SRGAP2C: variants seen among roughly 807,000 people sequenced by gnomAD.
SRGAP2C encodes the protein SLIT-ROBO Rho GTPase-activating protein 2C.
A neutral mutation model predicts 25.1 loss-of-function variants in SRGAP2C; 15 were observed. That is an observed-to-expected ratio of 0.60 (90% CI 0.40 to 0.92). The LOEUF (loss-of-function observed/expected upper bound fraction) is 0.92. Among genes scored for constraint, SRGAP2C ranks in the 40% least tolerant of loss-of-function variants. The pLI is 0.00. For synonymous variants in SRGAP2C, 44 were observed against 96.6 expected (o/e 0.46, Z 3.19); for missense variants, 144 against 264.4 (o/e 0.54, Z 3.16).
At chr1:121,378,478 T>A (rs1659726552) in intron 7 of SRGAP2C, among the ~76,000 whole-genome samples, 1 of 150,814 alleles carries the variant, frequency 6.6e-6, no homozygotes, top group Non-Finnish European at 1.5e-5. Context: ...GGATTATCCT[T>A]TTTTGTGTCT....
rs782453082 is a variant in SRGAP2C, at chr1:121,374,904, A to T, written c.781A>T (p.Asn261Tyr). 1.3e-6 allele frequency: 1 copy of T among 779,108 alleles called. No individual in the cohort carries two copies. The highest frequency in any genetic ancestry group is 1.7e-5 in the African/African-American group (1 of 59,118). 48.3% of individuals were successfully genotyped at this position (779,108 alleles called of 1,614,324 possible). A position where few individuals can be genotyped will look rare whatever the true frequency, so the allele number is the denominator to read the frequency against. Residue 261 changes from asparagine (N) to tyrosine (Y), a missense_variant, in exon 7 of 10, where the codon AAT (asparagine) becomes TAT (tyrosine). Asn to Tyr is a moderately radical substitution (Grantham distance 143). Transcript: ENST00000367123. ...GTACTTGCTGGCTTTGGAGGCAACCAATGCATCTGTCTTCAAGTACTACAT... is the reference window on the plus strand; with the variant it reads ...GTACTTGCTGGCTTTGGAGGCAACCTATGCATCTGTCTTCAAGTACTACAT... ...NEYLLALEAT[N>Y]ASVFKYYIHD...
chr1:121,273,770 A>C (rs1252121936), intron 2 of SRGAP2C, among the ~76,000 whole-genome samples: 2 of 151,794 alleles, frequency 1.3e-5, no homozygotes, highest in Admixed American at 1.3e-4. Context: ...TGATTCTTGG[A>C]GCCTCCACTT....
At chr1:121,262,964 A>T (rs587684729) in intron 2 of SRGAP2C, among the ~76,000 whole-genome samples, 1 of 151,494 alleles carries the variant, frequency 6.6e-6, no homozygotes, top group South Asian at 2.1e-4. Flanking sequence ...AATCAAGTTG[A>T]CATAATACAC....
intron 5 of SRGAP2C, among the ~76,000 whole-genome samples, chr1:121,370,661 G>A (rs1659461822): frequency 6.6e-6 from 1 of 152,068 alleles, no homozygotes; most frequent in African/African-American, 2.4e-5. Flanking sequence ...AACCAGGATG[G>A]TCTCAATCTC....
chr1:121,317,005 G>A (rs1433459386), intron 3 of SRGAP2C, among the ~76,000 whole-genome samples: 17 of 149,618 alleles, frequency 1.1e-4, no homozygotes, highest in South Asian at 4.2e-4. Context: ...AGAGCTGGTG[G>A]GCAGGCAGAT....
At chr1:121,197,268 C>A (rs1461054203) in intron 2 of SRGAP2C, among the ~76,000 whole-genome samples, 1 of 152,200 alleles carries the variant, frequency 6.6e-6, no homozygotes, top group East Asian at 1.9e-4. Flanking sequence ...TTCATCAGTA[C>A]GCTCTCAGCA....
chr1:121,363,853 A>T (rs1256049850), intron 4 of SRGAP2C, among the ~76,000 whole-genome samples: 4 of 150,478 alleles, frequency 2.7e-5, no homozygotes, highest in Admixed American at 6.6e-5. Context: ...AGAAAAATAC[A>T]TAACAACACT....
chr1:121,322,064 G>A (rs1308732243), intron 3 of SRGAP2C, among the ~76,000 whole-genome samples: 60 of 149,646 alleles, frequency 4.0e-4, no homozygotes, highest in Non-Finnish European at 6.8e-4. Context: ...ACAAATGTGT[G>A]TACATTTGTG....
chr1:121,287,827 A>G (rs1657408439), intron 3 of SRGAP2C, among the ~76,000 whole-genome samples: 2 of 151,128 alleles, frequency 1.3e-5, no homozygotes, highest in African/African-American at 4.9e-5. Context: ...GAAGCTGCAG[A>G]CCTTCACGGT....
At chr1:121,191,081 G>A (rs1281423984) in intron 2 of SRGAP2C, among the ~76,000 whole-genome samples, 6 of 152,282 alleles carry the variant, frequency 3.9e-5, no homozygotes, top group African/African-American at 1.2e-4. Flanking sequence ...GAAAGTTCAT[G>A]CCTCTCAATG....
chr1:121,348,532 A>G lies in SRGAP2C; in HGVS notation c.424-16761A>G, dbSNP rs61805717. On this transcript the variant is annotated intron_variant, in intron 4 of 9. Coordinates refer to ENST00000367123, the MANE Select transcript of SRGAP2C (RefSeq NM_001329984.2). ...TCTCTTTTTAACAGATGGAATCACA[A>G]CCTTTTCTGCAGTATATATCTGATG... Among the ~76,000 whole-genome samples, 506 of 151,934 alleles carry G rather than the reference A, an allele frequency of 3.3e-3. 3 individuals are homozygous for G. Among genetic ancestry groups the G allele is most frequent in the African/African-American group, 0.012 (494 of 41,434 alleles).
Position 121,324,487 on chromosome 1 carries a change from G to A in SRGAP2C, c.270G>A (p.Gln90=). ...TGATGTTTCTTCACAGGAAGGATCAGAATGTTCTCTCTCCAGTCAACTGCT... is the reference window on the plus strand; with the variant it reads ...TGATGTTTCTTCACAGGAAGGATCAAAATGTTCTCTCTCCAGTCAACTGCT... ...STKDQQFKKD[Q]NVLSPVNCWN... The change falls in exon 4 of 10, where the codon CAG becomes CAA. Residue 90 remains glutamine (Q), a synonymous_variant. Coordinates refer to ENST00000367123, the MANE Select transcript of SRGAP2C (RefSeq NM_001329984.2). The A allele has an allele frequency of 1.2e-6, 2 of 1,613,232 alleles. No individual in the cohort carries two copies. Among genetic ancestry groups the A allele is most frequent in the South Asian group, 1.1e-5 (1 of 91,060 alleles).
At chr1:121,188,298 A>G (rs1267213709) in intron 2 of SRGAP2C, among the ~76,000 whole-genome samples, 2 of 152,242 alleles carry the variant, frequency 1.3e-5, no homozygotes, top group Non-Finnish European at 1.5e-5. Flanking sequence ...TGTGAAGGGT[A>G]AAGCAAAATG....
At chr1:121,186,565 A>T (rs1654504980) in intron 1 of SRGAP2C, among the ~76,000 whole-genome samples, 1 of 149,246 alleles carries the variant, frequency 6.7e-6, no homozygotes, top group African/African-American at 2.4e-5. Flanking sequence ...GTCGGGGGCT[A>T]GGTCGGGAGG....
chr1:121,287,524 G>A (rs1657396887), intron 3 of SRGAP2C, among the ~76,000 whole-genome samples: 1 of 149,942 alleles, frequency 6.7e-6, no homozygotes, highest in Admixed American at 6.7e-5. Flanking sequence ...TTATTCTGTT[G>A]GTAATCTCAT....
intron 4 of SRGAP2C, among the ~76,000 whole-genome samples, chr1:121,355,226 A>G (rs1343245789): frequency 1.3e-5 from 2 of 150,584 alleles, no homozygotes; most frequent in East Asian, 3.9e-4. Context: ...AGACCAAAAA[A>G]GTCAGTAAAA....
intron 2 of SRGAP2C, among the ~76,000 whole-genome samples, chr1:121,213,634 C>T (rs1427047591): frequency 5.3e-5 from 3 of 56,910 alleles, no homozygotes; most frequent in Non-Finnish European, 9.7e-5. Flanking sequence ...TCTGGTCAGG[C>T]GGCTGCGTTC....
intron 2 of SRGAP2C, among the ~76,000 whole-genome samples, chr1:121,191,410 G>A (rs1324870998): frequency 2.7e-5 from 4 of 150,938 alleles, no homozygotes; most frequent in Admixed American, 2.0e-4. Context: ...TTAAATTGTT[G>A]TATTGGTATT....
chr1:121,193,795 G>A (rs1173482185), intron 2 of SRGAP2C, among the ~76,000 whole-genome samples: 1 of 2,046 alleles, frequency 4.9e-4, no homozygotes, highest in African/African-American at 4.5e-3. Flanking sequence ...CTCAGCCTCC[G>A]AAGTAGCTGG....
Sources: allele counts gnomAD v4.1 joint callset (sites outside exome capture counted in the v4.1 genomes callset), GRCh38; gene constraint gnomAD v4.1.1; transcripts MANE v1.5; gene names NCBI Gene and HGNC (gene_info 2026-07-23, HGNC 2026-07-21).